EML6: variants seen among roughly 807,000 people sequenced by gnomAD.
EML6 encodes the protein echinoderm microtubule-associated protein-like 6.
EML6 carries 154 observed loss-of-function variants against 240.1 expected under a neutral mutation model. That is an observed-to-expected ratio of 0.64 (90% CI 0.56 to 0.73). The LOEUF is 0.73. Among genes scored for constraint, EML6 ranks in the 30% least tolerant of loss-of-function variants. The pLI is 0.00. For synonymous variants in EML6, 1,148 were observed against 899.0 expected (o/e 1.28, Z -4.95); for missense variants, 2,964 against 2,474.6 (o/e 1.20, Z -4.20).
At chr2:54,932,186 T>C (rs1386396985) in intron 28 of EML6, among the ~76,000 whole-genome samples, 1 of 152,186 alleles carries the variant, frequency 6.6e-6, no homozygotes, top group African/African-American at 2.4e-5. Flanking sequence ...CTACCAGATA[T>C]GTAATGTCCA....
intron 26 of EML6, among the ~76,000 whole-genome samples, chr2:54,924,470 C>T (rs971435307): frequency 6.6e-6 from 1 of 152,114 alleles, no homozygotes; most frequent in Non-Finnish European, 1.5e-5. Context: ...TTCTCTATTT[C>T]TTCAATCAGA....
chr2:54,879,006 T>A (rs17046442), intron 16 of EML6, among the ~76,000 whole-genome samples: 35,945 of 152,092 alleles, frequency 0.24, 4,616 homozygotes, highest in African/African-American at 0.33. Context: ...ATTTTTAAAT[T>A]GTAAAATCAT....
At chr2:54,814,604 A>C (rs1009099828) in intron 3 of EML6, among the ~76,000 whole-genome samples, 1 of 152,064 alleles carries the variant, frequency 6.6e-6, no homozygotes, top group African/African-American at 2.4e-5. Flanking sequence ...CAAGTTTCAG[A>C]GTTAATTCTG....
chr2:54,916,702 T>A, intron 25 of EML6, 57 bp from the exon 26 acceptor site: 1 of 1,385,858 alleles, frequency 7.2e-7, no homozygotes, highest in Non-Finnish European at 9.6e-7. Flanking sequence ...AACTGTTTCT[T>A]TTAAATAAAA....
At chr2:54,944,975 C>A (rs928073078) in intron 28 of EML6, among the ~76,000 whole-genome samples, 2 of 150,060 alleles carry the variant, frequency 1.3e-5, no homozygotes, top group African/African-American at 4.9e-5. Context: ...GTGTTTCTCG[C>A]CCCTCCCTTT....
intron 22 of EML6, among the ~76,000 whole-genome samples, chr2:54,900,651 G>C (rs1314802177): frequency 6.6e-6 from 1 of 152,180 alleles, no homozygotes; most frequent in Non-Finnish European, 1.5e-5. Context: ...GGAAATAAAT[G>C]GCCCGGCCTC....
In EML6 at chr2:54,946,177, C is replaced by T. The variant is rs185389637; in HGVS notation, c.4005-2705C>T. On this transcript the variant is annotated intron_variant, in intron 28 of 41. Coordinates refer to ENST00000356458, the MANE Select transcript of EML6 (RefSeq NM_001039753.4). ...CTTAAATTTCTTGCCAATGGAAGCT[C>T]TTTCTCCTTTGTTCCCTGACCCTGC... 2.6e-5 allele frequency among the ~76,000 whole-genome samples: 4 copies of T among 152,300 alleles called. No individual in the cohort carries two copies. The East Asian group carries it at 7.7e-4, about 29-fold the overall frequency.
At chr2:54,900,004 T>G (rs757933677) in intron 22 of EML6, among the ~76,000 whole-genome samples, 13 of 152,232 alleles carry the variant, frequency 8.5e-5, no homozygotes, top group Non-Finnish European at 1.3e-4. Context: ...TCATTTTCCT[T>G]GCACTGCACA....
chr2:54,928,777 T>A, intron 28 of EML6, 26 bp downstream of exon 28: 1 of 1,551,576 alleles, frequency 6.4e-7, no homozygotes. Context: ...GTTTGCTTGC[T>A]TTTATTATAC....
intron 12 of EML6, among the ~76,000 whole-genome samples, chr2:54,862,043 C>A (rs928317379): frequency 1.3e-5 from 2 of 151,930 alleles, no homozygotes; most frequent in African/African-American, 4.8e-5. Flanking sequence ...GAAATACTTT[C>A]TCTGAGGATT....
At chr2:54,794,461 G>A (rs1444644175) in intron 2 of EML6, among the ~76,000 whole-genome samples, 2 of 152,076 alleles carry the variant, frequency 1.3e-5, no homozygotes, top group African/African-American at 2.4e-5. Flanking sequence ...CTCTTCCCTG[G>A]CAGAAACATC....
chr2:54,801,080 G>A (rs1027649232), intron 2 of EML6, among the ~76,000 whole-genome samples: 1 of 152,038 alleles, frequency 6.6e-6, no homozygotes, highest in African/African-American at 2.4e-5. Context: ...CAGCATTTTG[G>A]GAGGCTGAGG....
chr2:54,766,526 A>G (rs769418629), intron 2 of EML6, among the ~76,000 whole-genome samples: 19 of 152,178 alleles, frequency 1.2e-4, no homozygotes, highest in Non-Finnish European at 2.5e-4. Context: ...TAATATCAGG[A>G]GGCACATGAT....
chr2:54,850,270 G>T, intron 10 of EML6, 52 bp downstream of exon 10: 1 of 1,505,872 alleles, frequency 6.6e-7, no homozygotes, highest in Non-Finnish European at 9.0e-7. Flanking sequence ...TTTTGAACCA[G>T]GTGAAGGAAA....
chr2:54,894,774 T>C, intron 19 of EML6, 141 bp from the exon 20 acceptor site: 4 of 599,206 alleles, frequency 6.7e-6, no homozygotes, highest in Non-Finnish European at 1.2e-5. Context: ...CGAACATTGT[T>C]ATCACCAGAG....
chr2:54,736,646 A>G (rs1170396385), intron 2 of EML6, among the ~76,000 whole-genome samples: 1 of 152,186 alleles, frequency 6.6e-6, no homozygotes, highest in East Asian at 1.9e-4. Context: ...CTCCATTGCT[A>G]GGTGGAGCCA....
intron 7 of EML6, among the ~76,000 whole-genome samples, chr2:54,835,457 C>CT (rs1427107362): frequency 6.6e-6 from 1 of 152,144 alleles, no homozygotes; most frequent in Non-Finnish European, 1.5e-5. Flanking sequence ...AACTTGGTTT[C>CT]TTTGTGTCAA....
intron 28 of EML6, among the ~76,000 whole-genome samples, chr2:54,946,692 T>A (rs1675710091): frequency 6.6e-6 from 1 of 152,176 alleles, no homozygotes; most frequent in Non-Finnish European, 1.5e-5. Context: ...TTCACACCGC[T>A]CTGGAGACAA....
chr2:54,812,979 A>G (rs1326543122), intron 2 of EML6, among the ~76,000 whole-genome samples: 2 of 152,242 alleles, frequency 1.3e-5, no homozygotes, highest in Non-Finnish European at 1.5e-5. Flanking sequence ...AATAATTACA[A>G]TCACAACAGC....
Sources: allele counts gnomAD v4.1 joint callset (sites outside exome capture counted in the v4.1 genomes callset), GRCh38; gene constraint gnomAD v4.1.1; transcripts MANE v1.5; gene names NCBI Gene and HGNC (gene_info 2026-07-23, HGNC 2026-07-21).